RYR2: variants seen among roughly 807,000 people sequenced by gnomAD.
RYR2 encodes the protein cardiac muscle ryanodine receptor-calcium release channel.
RYR2 carries 227 observed loss-of-function variants against 601.1 expected under a neutral mutation model. That is an observed-to-expected ratio of 0.38 (90% CI 0.34 to 0.42). The LOEUF (loss-of-function observed/expected upper bound fraction) is 0.42. Among genes scored for constraint, RYR2 ranks in the 10% least tolerant of loss-of-function variants. The probability of loss-of-function intolerance (pLI) is 1.00; values close to 1 mark genes in which losing one functional copy is unlikely to be tolerated. For missense variants in RYR2, 4,646 were observed against 6,156.5 expected (o/e 0.75, Z 8.21); for synonymous variants, 2,223 against 2,175.1 (o/e 1.02, Z -0.61).
At chr1:237,795,877 C>CATGTATATGTATAT (rs2149395932) in intron 96 of RYR2, among the ~76,000 whole-genome samples, 1 of 96,558 alleles carries the variant, frequency 1.0e-5, no homozygotes, top group Admixed American at 1.2e-4. Context: ...TATATATACA[C>CATGTATATGTATAT]ATATATATAT....
intron 1 of RYR2, among the ~76,000 whole-genome samples, chr1:237,114,043 G>A (rs1669797003): frequency 1.3e-5 from 2 of 152,302 alleles, no homozygotes; most frequent in South Asian, 4.1e-4. Flanking sequence ...CATTTCTTTA[G>A]AAAGGGTGCA....
chr1:237,703,185 G>A (rs1047466314), intron 66 of RYR2, among the ~76,000 whole-genome samples: 4 of 151,744 alleles, frequency 2.6e-5, no homozygotes, highest in Non-Finnish European at 4.4e-5. Flanking sequence ...ACAGGATTAC[G>A]GTACTCATTT....
chr1:237,641,902 CT>C (rs1490340224), intron 47 of RYR2, among the ~76,000 whole-genome samples: 9 of 152,126 alleles, frequency 5.9e-5, no homozygotes, highest in Non-Finnish European at 1.0e-4. Flanking sequence ...TGGAATAATA[CT>C]TTTACTCTGT....
chr1:237,729,664 G>A (rs1690508174), intron 76 of RYR2, among the ~76,000 whole-genome samples: 1 of 152,018 alleles, frequency 6.6e-6, no homozygotes, highest in Non-Finnish European at 1.5e-5. Flanking sequence ...ACTTCATCAT[G>A]AATTCCACTG....
chr1:237,577,702 G>A (rs569097734), intron 29 of RYR2, among the ~76,000 whole-genome samples: 169 of 151,534 alleles, frequency 1.1e-3, no homozygotes, highest in African/African-American at 4.0e-3. Context: ...AGATACTTAA[G>A]AGTATTTTTA....
At chr1:237,196,698 A>G (rs1010345999) in intron 1 of RYR2, among the ~76,000 whole-genome samples, 2 of 152,166 alleles carry the variant, frequency 1.3e-5, no homozygotes, top group Admixed American at 1.3e-4. Context: ...ATAAGTCTTG[A>G]TGAGAAGTAC....
intron 24 of RYR2, among the ~76,000 whole-genome samples, chr1:237,515,510 G>A (rs939811600): frequency 1.3e-5 from 2 of 152,142 alleles, no homozygotes; most frequent in African/African-American, 4.8e-5. Flanking sequence ...CAGGGATGGA[G>A]AGGAAAGCAG....
chr1:237,100,768 G>A (rs1667996418), intron 1 of RYR2, among the ~76,000 whole-genome samples: 1 of 152,050 alleles, frequency 6.6e-6, no homozygotes, highest in Non-Finnish European at 1.5e-5. Flanking sequence ...ATTCTTGAGG[G>A]GTTTTCCAGA....
At chr1:237,823,498 C>T (rs1008527247) in intron 101 of RYR2, among the ~76,000 whole-genome samples, 2 of 152,254 alleles carry the variant, frequency 1.3e-5, no homozygotes, top group East Asian at 1.9e-4. Flanking sequence ...AAAGACACAA[C>T]GTACCAGAAT....
chr1:237,203,647 A>G (rs948016241), intron 1 of RYR2, among the ~76,000 whole-genome samples: 1 of 152,210 alleles, frequency 6.6e-6, no homozygotes, highest in Non-Finnish European at 1.5e-5. Flanking sequence ...GAATTTATTC[A>G]TTGAATTTCA....
chr1:237,475,479 C>A (rs1661299399), intron 17 of RYR2, among the ~76,000 whole-genome samples: 1 of 151,844 alleles, frequency 6.6e-6, no homozygotes, highest in Non-Finnish European at 1.5e-5. Flanking sequence ...TTTTTAAATA[C>A]CATGGTGAGA....
At position 237,180,323 on chromosome 1, in the gene RYR2, T is replaced by C. The variant is rs1389604856; in HGVS notation, c.49-90174T>C. Among the ~76,000 whole-genome samples, 1 of 152,098 alleles carries C rather than the reference T, an allele frequency of 6.6e-6. No individual in the cohort carries two copies. Among genetic ancestry groups the C allele is most frequent in the Non-Finnish European group, 1.5e-5 (1 of 68,040 alleles). ...CCTCAGAGCTTGCCTGTTCTCCCTC[T>C]CCTTTCAGCTGTGGACACTGGGCTG... On this transcript the variant is annotated intron_variant, in intron 1 of 104. Transcript: ENST00000366574. This position sits in a 1 kb window ranked among gnomAD's most constrained non-coding sequence, Gnocchi z 5.3.
intron 87 of RYR2, among the ~76,000 whole-genome samples, chr1:237,774,139 C>A (rs1376034495): frequency 6.6e-6 from 1 of 152,072 alleles, no homozygotes; most frequent in African/African-American, 2.4e-5. Context: ...AAGCTTCTAG[C>A]CTTAACTTCA....
intron 5 of RYR2, among the ~76,000 whole-genome samples, chr1:237,367,510 GAAC>G (rs1270573876): frequency 6.6e-6 from 1 of 152,230 alleles, no homozygotes; most frequent in East Asian, 1.9e-4. Flanking sequence ...AAACTATATG[GAAC>G]AACAAGAATG....
At chr1:237,371,601 G>A (rs1355814396) in intron 6 of RYR2, among the ~76,000 whole-genome samples, 1 of 152,146 alleles carries the variant, frequency 6.6e-6, no homozygotes, top group East Asian at 1.9e-4. Context: ...CTTTTAAAAA[G>A]TAGATGATTC....
At position 237,145,674 on chromosome 1, in the gene RYR2, C is replaced by T. The variant is rs556374425; in HGVS notation, c.48+103105C>T. On this transcript the variant is annotated intron_variant, in intron 1 of 104. Transcript: ENST00000366574. ...CATGTTGGATATAGACCTACTATAC[C>T]CATAAACATGAATGACCCAGTTCTA... is the stretch of plus-strand genomic sequence containing the variant. Among the ~76,000 whole-genome samples, 3 of 152,200 alleles carry T rather than the reference C, an allele frequency of 2.0e-5. No homozygotes were observed. The South Asian group carries it at 6.2e-4, about 32-fold the overall frequency.
intron 88 of RYR2, 71 bp downstream of exon 88, chr1:237,778,841 A>C: frequency 1.4e-6 from 1 of 738,258 alleles, no homozygotes; most frequent in East Asian, 2.5e-5. Flanking sequence ...CAAATTAAAC[A>C]TGCTTTTTGA....
intron 75 of RYR2, among the ~76,000 whole-genome samples, chr1:237,726,746 G>T (rs1690235077): frequency 6.6e-6 from 1 of 152,060 alleles, no homozygotes; most frequent in Non-Finnish European, 1.5e-5. Context: ...AAAATTTTGA[G>T]AAGGAGATAA....
chr1:237,154,114 C>A (rs1207622595), intron 1 of RYR2, among the ~76,000 whole-genome samples: 1 of 152,160 alleles, frequency 6.6e-6, no homozygotes, highest in African/African-American at 2.4e-5. Context: ...TTGCTAACTT[C>A]CAGTGAAATC....
Sources: gnomAD v4.1 joint callset for allele counts (sites outside exome capture counted in the v4.1 genomes callset) on GRCh38, gnomAD v4.1.1 for gene constraint, Gnocchi (gnomAD v3.1) non-coding constraint, MANE v1.5 for transcripts, NCBI Gene and HGNC (gene_info 2026-07-23, HGNC 2026-07-21) for gene names.